TSPAN9: variants seen among roughly 807,000 people sequenced by gnomAD.
The protein encoded by TSPAN9 is tetraspanin 9.
TSPAN9 carries 16 observed loss-of-function variants against 31.0 expected under a neutral mutation model. The observed-to-expected ratio is 0.52, with a 90% CI of 0.35 to 0.78. The LOEUF (loss-of-function observed/expected upper bound fraction) is 0.78. Among genes scored for constraint, TSPAN9 ranks in the 30% least tolerant of loss-of-function variants. The probability of loss-of-function intolerance (pLI) is 0.01; values close to 1 mark genes in which losing one functional copy is unlikely to be tolerated. For synonymous variants in TSPAN9, 145 were observed against 121.6 expected (o/e 1.19, Z -1.27); for missense variants, 272 against 312.5 (o/e 0.87, Z 0.98).
intron 2 of TSPAN9, among the ~76,000 whole-genome samples, chr12:3,163,035 C>T (rs2098346262): frequency 6.6e-6 from 1 of 152,226 alleles, no homozygotes; most frequent in Non-Finnish European, 1.5e-5. Context: ...CTCTCTTCTC[C>T]AAGTGTATTC....
intron 2 of TSPAN9, among the ~76,000 whole-genome samples, chr12:3,117,406 G>C (rs1202191093): frequency 6.6e-6 from 1 of 152,158 alleles, no homozygotes; most frequent in East Asian, 1.9e-4. Context: ...CAGAACAAGG[G>C]GAGGGGAGAG....
chr12:3,121,294 C>T (rs1224505489), intron 2 of TSPAN9, among the ~76,000 whole-genome samples: 3 of 149,996 alleles, frequency 2.0e-5, no homozygotes, highest in Non-Finnish European at 4.4e-5. Flanking sequence ...GCCACAGATG[C>T]GTTTTGTTTG....
intron 2 of TSPAN9, among the ~76,000 whole-genome samples, chr12:3,171,066 T>C (rs948524508): frequency 1.3e-5 from 2 of 152,156 alleles, no homozygotes; most frequent in African/African-American, 4.8e-5. Context: ...CGTCACCTCG[T>C]GCTTGGATTA....
chr12:3,124,288 A>G (rs2098326388), intron 2 of TSPAN9, among the ~76,000 whole-genome samples: 2 of 152,356 alleles, frequency 1.3e-5, no homozygotes, highest in Non-Finnish European at 2.9e-5. Context: ...CAAAGGCCTT[A>G]GAAACATTCA....
At chr12:3,268,335 G>A (rs2153979719) in intron 3 of TSPAN9, among the ~76,000 whole-genome samples, 1 of 127,366 alleles carries the variant, frequency 7.9e-6, no homozygotes, top group South Asian at 2.9e-4. Context: ...TGTTCCTGCA[G>A]CCTGCCCTCT....
intron 2 of TSPAN9, among the ~76,000 whole-genome samples, chr12:3,145,946 G>A (rs1403738613): frequency 6.6e-6 from 1 of 152,252 alleles, no homozygotes; most frequent in East Asian, 1.9e-4. Flanking sequence ...AGACAGATGG[G>A]CTGCAGGCAC....
At chr12:3,177,500 T>G (rs2098356420) in intron 2 of TSPAN9, among the ~76,000 whole-genome samples, 1 of 152,000 alleles carries the variant, frequency 6.6e-6, no homozygotes, top group African/African-American at 2.4e-5. Context: ...TGGCTCAATC[T>G]TGGCTCACTG....
chr12:3,110,972 T>A (rs1344993786), intron 2 of TSPAN9, among the ~76,000 whole-genome samples: 1 of 152,172 alleles, frequency 6.6e-6, no homozygotes, highest in Non-Finnish European at 1.5e-5. Context: ...CCAGGCACAG[T>A]CCTACAGCTT....
In TSPAN9 at chr12:3,280,388, G is replaced by A. The variant is rs781252017; in HGVS notation, c.337G>A (p.Glu113Lys). The stretch of plus-strand genomic sequence containing the variant: ...GTGTCCCTCCGCCTGGCAGGTGAAC[G>A]AGAACGCCAAGAAGGACCTGAAGGA... ...LFFVYMDKVN[E>K]NAKKDLKEGL... The change falls in exon 6 of 9, where the codon GAG becomes AAG. Residue 113 changes from glutamate (E) to lysine (K), a missense_variant. By Grantham distance (56) the Glu-to-Lys change is moderately conservative. Transcript: ENST00000011898. This position sits in a 1 kb window ranked among gnomAD's most constrained non-coding sequence, Gnocchi z 4.5. The A allele has an allele frequency of 1.9e-5, 31 of 1,612,802 alleles. No homozygotes were observed. The highest frequency in any genetic ancestry group is 4.4e-5 in the South Asian group (4 of 91,064).
chr12:3,233,961 C>G (rs1208744948), intron 3 of TSPAN9, among the ~76,000 whole-genome samples: 1 of 152,146 alleles, frequency 6.6e-6, no homozygotes, highest in African/African-American at 2.4e-5. Context: ...TCCAGCACTC[C>G]CATCTCGGAG....
chr12:3,227,256 G>A (rs1471170857), intron 3 of TSPAN9, among the ~76,000 whole-genome samples: 3 of 152,232 alleles, frequency 2.0e-5, no homozygotes, highest in Admixed American at 6.5e-5. Flanking sequence ...GAGCCCCAGA[G>A]CAGCATCAGA....
At chr12:3,252,084 C>T (rs567903971) in intron 3 of TSPAN9, among the ~76,000 whole-genome samples, 2 of 152,268 alleles carry the variant, frequency 1.3e-5, no homozygotes, top group East Asian at 3.9e-4. Flanking sequence ...TGTTCTGCCC[C>T]ACTAGAGTCT....
At chr12:3,254,438 C>T (rs1011863692) in intron 3 of TSPAN9, among the ~76,000 whole-genome samples, 2 of 152,190 alleles carry the variant, frequency 1.3e-5, no homozygotes, top group Non-Finnish European at 2.9e-5. Context: ...TGCCCCTTCC[C>T]CTGGGTCAGG....
At chr12:3,223,702 T>C (rs1347705913) in intron 3 of TSPAN9, among the ~76,000 whole-genome samples, 2 of 152,226 alleles carry the variant, frequency 1.3e-5, no homozygotes, top group Non-Finnish European at 2.9e-5. Flanking sequence ...ACACTCCTTA[T>C]GGAGCTGGTT....
intron 3 of TSPAN9, among the ~76,000 whole-genome samples, chr12:3,217,589 T>G (rs1217423002): frequency 6.6e-6 from 1 of 152,122 alleles, no homozygotes; most frequent in Admixed American, 6.6e-5. Context: ...ACCATATTAC[T>G]CCCTTTCACT....
intron 3 of TSPAN9, among the ~76,000 whole-genome samples, chr12:3,265,076 T>C (rs1862516452): frequency 6.6e-6 from 1 of 152,142 alleles, no homozygotes; most frequent in African/African-American, 2.4e-5. Context: ...CACGATCTTG[T>C]GTGTGGTAGA....
chr12:3,198,837 A>ACACAAGCACAGGTCAC lies in TSPAN9; in HGVS notation c.-17-2337_-17-2336insAAGCACAGGTCACCAC, dbSNP rs2098369359. 2.3e-4 allele frequency among the ~76,000 whole-genome samples: 3 copies of ACACAAGCACAGGTCAC among 13,128 alleles called. 1 individual carries two copies. In the South Asian group the frequency reaches 0.037, roughly 160 times the overall value. The allele number at this position is 13,128 out of a possible 152,430, so 8.6% of individuals were successfully genotyped here. ...GCACAGCTCACCACCAGCACAGGTCACACCAGCACAGGTCACCACCAGCAC... is the reference window on the plus strand; with the variant it reads ...GCACAGCTCACCACCAGCACAGGTCACACAAGCACAGGTCACCACCAGCACAGGTCACCACCAGCAC... On this transcript the variant is annotated intron_variant, in intron 2 of 8. Transcript: ENST00000011898.
intron 3 of TSPAN9, among the ~76,000 whole-genome samples, chr12:3,264,991 C>G (rs748187035): frequency 6.6e-6 from 1 of 152,204 alleles, no homozygotes; most frequent in Non-Finnish European, 1.5e-5. Flanking sequence ...TGTCCTATCT[C>G]ACACTGCAGC....
At chr12:3,080,443 C>T (rs186765705) in intron 1 of TSPAN9, among the ~76,000 whole-genome samples, 2 of 152,128 alleles carry the variant, frequency 1.3e-5, no homozygotes, top group Non-Finnish European at 2.9e-5. Context: ...TCAAGCAATT[C>T]TCTGCCTCAG....
Sources: gnomAD v4.1 joint callset for allele counts (sites outside exome capture counted in the v4.1 genomes callset) on GRCh38, gnomAD v4.1.1 for gene constraint, Gnocchi (gnomAD v3.1) non-coding constraint, MANE v1.5 for transcripts, NCBI Gene and HGNC (gene_info 2026-07-23, HGNC 2026-07-21) for gene names.